Variants in ANK3 observed in about 807,000 individuals in gnomAD.
The protein encoded by ANK3 is ankyrin 3.
ANK3 carries 57 observed loss-of-function variants against 370.9 expected under a neutral mutation model. That is an observed-to-expected ratio of 0.15 (90% CI 0.12 to 0.19). The LOEUF is 0.19. ANK3 is among the 10% of genes least tolerant of loss of function. The probability of loss-of-function intolerance (pLI) is 1.00; values close to 1 mark genes in which losing one functional copy is unlikely to be tolerated. For missense variants in ANK3, 4,439 were observed against 5,302.1 expected, an observed-to-expected ratio of 0.84 and a Z score of 5.06; for synonymous variants, 1,929 against 1,946.3, an observed-to-expected ratio of 0.99 and a Z score of 0.23.
chr10:60,689,344 A>G (rs1019561370), intron 1 of ANK3, among the ~76,000 whole-genome samples: 1 of 152,186 alleles, frequency 6.6e-6, no homozygotes, highest in Non-Finnish European at 1.5e-5. Context: ...GGCTGCAGTG[A>G]GCTGTGGCCA....
intron 42 of ANK3, among the ~76,000 whole-genome samples, chr10:60,047,528 A>G (rs2077166141): frequency 6.6e-6 from 1 of 152,246 alleles, no homozygotes; most frequent in African/African-American, 2.4e-5. Context: ...ATATTTGTAT[A>G]TGTATGTAAA....
chr10:60,123,939 G>C (rs950632049), intron 25 of ANK3, among the ~76,000 whole-genome samples: 1 of 152,188 alleles, frequency 6.6e-6, no homozygotes, highest in Non-Finnish European at 1.5e-5. Context: ...AAGATGACTT[G>C]GGTTTGAATC....
intron 42 of ANK3, chr10:60,044,379 T>A (rs1389156457): frequency 1.0e-6 from 1 of 956,882 alleles, no homozygotes; most frequent in East Asian, 1.2e-4. Flanking sequence ...ATTAGCAACA[T>A]ACTAGATGGA....
At position 60,134,123 on chromosome 10, in the gene ANK3, ATTT is replaced by A. The variant is rs3217306; in HGVS notation, c.2841+145_2841+147del. Reference sequence around the variant, plus strand: ...AATATTTCTGCTTATAGTACAACTTATTTTTTTTTAACTGGCTAGTACCAGAAG... The same window carrying A: ...AATATTTCTGCTTATAGTACAACTTATTTTTTAACTGGCTAGTACCAGAAG... On this transcript the variant is annotated intron_variant, in intron 25 of 43. Transcript: ENST00000280772. 570 of 590,788 alleles carry A rather than the reference ATTT, an allele frequency of 9.6e-4. 3 individuals are homozygous for A. Among genetic ancestry groups the A allele is most frequent in the African/African-American group, 9.6e-3 (499 of 51,860 alleles). The allele number at this position is 590,788 out of a possible 1,614,324, so 36.6% of individuals were successfully genotyped here.
intron 16 of ANK3, among the ~76,000 whole-genome samples, chr10:60,195,081 T>C (rs2096562809): frequency 6.6e-6 from 1 of 151,970 alleles, no homozygotes; most frequent in African/African-American, 2.4e-5. Context: ...GATTAGCAAA[T>C]CAAAGATGTA....
intron 1 of ANK3, among the ~76,000 whole-genome samples, chr10:60,335,809 A>G (rs1036098652): frequency 1.3e-5 from 2 of 152,194 alleles, no homozygotes; most frequent in African/African-American, 4.8e-5. Context: ...AACCCTACCT[A>G]GCAGATTCTA....
intron 7 of ANK3, among the ~76,000 whole-genome samples, chr10:60,240,454 G>C (rs1201995339): frequency 6.6e-6 from 1 of 150,690 alleles, no homozygotes; most frequent in African/African-American, 2.4e-5. Context: ...ACAGGCATGT[G>C]CCACCACACC....
chr10:60,478,048 A>G (rs997786579), intron 2 of ANK3, among the ~76,000 whole-genome samples: 2 of 152,080 alleles, frequency 1.3e-5, no homozygotes, highest in African/African-American at 4.8e-5. Flanking sequence ...GAGAAATTAA[A>G]TGCCAGTCTT....
At chr10:60,107,519 T>A (rs545421944) in intron 27 of ANK3, among the ~76,000 whole-genome samples, 1 of 152,144 alleles carries the variant, frequency 6.6e-6, no homozygotes, top group Admixed American at 6.5e-5. Context: ...AATACAACAA[T>A]CAAACAGACA....
At chr10:60,180,056 G>A (rs773166834) in intron 18 of ANK3, among the ~76,000 whole-genome samples, 2 of 152,124 alleles carry the variant, frequency 1.3e-5, no homozygotes, top group African/African-American at 4.8e-5. Flanking sequence ...TTACCATAAA[G>A]TTGCAAATTT....
intron 25 of ANK3, among the ~76,000 whole-genome samples, chr10:60,129,740 G>A (rs1343066076): frequency 8.4e-6 from 1 of 118,462 alleles, no homozygotes; most frequent in East Asian, 2.0e-4. Context: ...GTGATAGAGT[G>A]AGACTCTGTC....
At chr10:60,136,856 A>G (rs10740012) in intron 24 of ANK3, among the ~76,000 whole-genome samples, 151,163 of 152,308 alleles carry the variant, frequency 0.99, 75,022 homozygotes, top group Middle Eastern at 1. Context: ...TATTTGCATG[A>G]GGATCTAGAA....
chr10:60,140,010 G>T (rs1179711509), intron 23 of ANK3: 1 of 318,622 alleles, frequency 3.1e-6, no homozygotes, highest in African/African-American at 2.2e-5. Flanking sequence ...AAGCTTCACT[G>T]GCCAAGAGAT....
intron 2 of ANK3, among the ~76,000 whole-genome samples, chr10:60,518,684 A>T (rs1384461476): frequency 6.6e-6 from 1 of 152,148 alleles, no homozygotes; most frequent in East Asian, 1.9e-4. Flanking sequence ...GGCTTGTGAA[A>T]CCATTATCTG....
intron 2 of ANK3, among the ~76,000 whole-genome samples, chr10:60,408,017 G>A (rs746017366): frequency 1.2e-4 from 18 of 152,116 alleles, no homozygotes; most frequent in Non-Finnish European, 2.4e-4. Flanking sequence ...TACCCCTGCT[G>A]CCATCTGCTC....
intron 1 of ANK3, among the ~76,000 whole-genome samples, chr10:60,668,854 G>A (rs753459847): frequency 2.0e-5 from 3 of 152,090 alleles, no homozygotes; most frequent in East Asian, 1.9e-4. Context: ...TTAGCCGGGC[G>A]CGGTGGCGTG....
chr10:60,546,028 C>T (rs1470190024), intron 2 of ANK3, among the ~76,000 whole-genome samples: 1 of 151,420 alleles, frequency 6.6e-6, no homozygotes, highest in East Asian at 1.9e-4. Flanking sequence ...TAATAACCCA[C>T]ATCTGGATAG....
intron 2 of ANK3, among the ~76,000 whole-genome samples, chr10:60,412,892 CTCATT>C (rs1432758105): frequency 6.6e-6 from 1 of 152,164 alleles, no homozygotes; most frequent in Non-Finnish European, 1.5e-5. Context: ...GAGTGCACAC[CTCATT>C]TATCTTTTTA....
intron 23 of ANK3, among the ~76,000 whole-genome samples, chr10:60,158,295 C>T (rs1406406853): frequency 2.0e-5 from 3 of 152,154 alleles, no homozygotes; most frequent in Admixed American, 6.5e-5. Context: ...ATACAACTCA[C>T]TGGTAAATGT....
Sources: gnomAD v4.1 joint callset for allele counts (sites outside exome capture counted in the v4.1 genomes callset) on GRCh38, gnomAD v4.1.1 for gene constraint, MANE v1.5 for transcripts, NCBI Gene and HGNC (gene_info 2026-07-23, HGNC 2026-07-21) for gene names.